Variants in ENDOV observed in about 807,000 individuals in gnomAD.
The protein encoded by ENDOV is endonuclease V, also known as hEndoV.
In ENDOV, 37 loss-of-function variants were observed where a neutral mutation model predicts 39.4. The ratio of observed to expected loss-of-function variants is 0.94; its 90% confidence interval spans 0.72 to 1.23. The LOEUF (loss-of-function observed/expected upper bound fraction) is 1.23. Ranked by LOEUF, ENDOV falls within the 50% of genes most tolerant of loss-of-function variation. The pLI is 0.00. For synonymous variants in ENDOV, 186 were observed against 163.4 expected, an observed-to-expected ratio of 1.14 and a Z score of -1.05; for missense variants, 441 against 375.7, an observed-to-expected ratio of 1.17 and a Z score of -1.44.
intron 2 of ENDOV, chr17:80,419,718 C>G: frequency 1.4e-6 from 1 of 700,710 alleles, no homozygotes; most frequent in Non-Finnish European, 2.6e-6. Context: ...AGCTTCTTCA[C>G]TGGTCAGTGG....
chr17:80,415,830 G>C lies in ENDOV; in HGVS notation c.228+9G>C. On this transcript the variant is annotated intron_variant, in intron 2 of 9. Transcript: ENST00000518137. ...GCTTCCCTGAGCTCGAGGTAACCTGGGAGGACGCCGAGCTCGAGGCGGGCC... is the reference window on the plus strand; with the variant it reads ...GCTTCCCTGAGCTCGAGGTAACCTGCGAGGACGCCGAGCTCGAGGCGGGCC... The C allele has an allele frequency of 1.3e-6, 2 of 1,585,500 alleles. No homozygotes were observed. Among genetic ancestry groups the C allele is most frequent in the South Asian group, 1.1e-5 (1 of 87,104 alleles).
chr17:80,431,649 C>G (rs1288545973), intron 9 of ENDOV, among the ~76,000 whole-genome samples: 2 of 145,722 alleles, frequency 1.4e-5, no homozygotes, highest in Non-Finnish European at 3.1e-5. Context: ...GTGTCAGTGG[C>G]CCCGGACTGG....
rs946066910 is a variant in ENDOV at position 80,437,936 on chromosome 17, T to A, written c.*1793T>A. 3 of 152,142 alleles carry A rather than the reference T, an allele frequency of 2.0e-5. No homozygotes were observed. The highest frequency in any genetic ancestry group is 4.4e-5 in the Non-Finnish European group (3 of 68,032). The allele number at this position is 152,142 out of a possible 1,614,324, so 9.4% of individuals were successfully genotyped here. A position where few individuals can be genotyped will look rare whatever the true frequency, so the allele number is the denominator to read the frequency against. On this transcript the variant is annotated 3_prime_UTR_variant, in exon 10 of 10. Transcript: ENST00000518137. ...AGCTGGATGGATGTGACTGTGCAGG[T>A]CCTGAGCCCCGGCCCCCGTAACCAA...
chr17:80,428,231 G>A (rs1024745899), intron 7 of ENDOV, among the ~76,000 whole-genome samples: 4 of 152,250 alleles, frequency 2.6e-5, no homozygotes, highest in East Asian at 1.9e-4. Context: ...CTCGGCTTGC[G>A]CAGAGCCTAC....
At chr17:80,416,066 G>C (rs980766384) in intron 2 of ENDOV, 91 of 398,342 alleles carry the variant, frequency 2.3e-4, no homozygotes, top group Non-Finnish European at 3.5e-4. Context: ...GGAGAAACCC[G>C]GTCTCTACTA....
chr17:80,436,033 G>A, intron 9 of ENDOV, 100 bp from the exon 10 acceptor site: 2 of 1,348,556 alleles, frequency 1.5e-6, no homozygotes, highest in Non-Finnish European at 2.1e-6. Flanking sequence ...GAGATTACAG[G>A]CGCGAGCCAC....
chr17:80,421,994 G>A (rs1304681958), intron 3 of ENDOV, 32 bp downstream of exon 3: 3 of 1,602,950 alleles, frequency 1.9e-6, no homozygotes, highest in Non-Finnish European at 2.5e-6. Context: ...CGAGAGAAAG[G>A]TCCCTCCTTC....
chr17:80,425,367 G>T, intron 6 of ENDOV, 125 bp from the exon 7 acceptor site: 1 of 1,389,548 alleles, frequency 7.2e-7, no homozygotes, highest in Non-Finnish European at 9.6e-7. Flanking sequence ...GCCCCTGAGA[G>T]CACTGCCCCT....
rs1354960227 is a variant in ENDOV at position 80,432,323 on chromosome 17, C to T, written c.838+2492C>T. Among the ~76,000 whole-genome samples the T allele has an allele frequency of 3.3e-5, 5 of 152,030 alleles. No individual in the cohort carries two copies. The East Asian group carries it at 5.8e-4, about 18-fold the overall frequency. Reference sequence around the variant, plus strand: ...GGCCCAGGAATGAGGCATCAGTGGTCGGAGGGAAGGGCGTCTGCCCACCTA... The same window carrying T: ...GGCCCAGGAATGAGGCATCAGTGGTTGGAGGGAAGGGCGTCTGCCCACCTA... On this transcript the variant is annotated intron_variant, in intron 9 of 9. Transcript: ENST00000518137.
chr17:80,429,696 G>C (rs2083167215), intron 8 of ENDOV, 77 bp from the exon 9 acceptor site: 2 of 1,403,840 alleles, frequency 1.4e-6, no homozygotes, highest in Admixed American at 2.1e-5. Context: ...GCAGTTCCCA[G>C]ACCCCATCTG....
chr17:80,421,763 C>T (rs1568219322), intron 2 of ENDOV, 65 bp from the exon 3 acceptor site: 19 of 1,541,198 alleles, frequency 1.2e-5, no homozygotes, highest in Middle Eastern at 3.7e-4. Context: ...AGGGCATGGA[C>T]GGACTGGGGA....
At chr17:80,436,061 C>A in intron 9 of ENDOV, 72 bp from the exon 10 acceptor site, 1 of 1,557,200 alleles carries the variant, frequency 6.4e-7, no homozygotes, top group Non-Finnish European at 8.8e-7. Context: ...GGCCCATTTC[C>A]ACTTCCTCCT....
intron 1 of ENDOV, 94 bp downstream of exon 1, chr17:80,415,344 G>T: frequency 1.4e-6 from 2 of 1,453,114 alleles, no homozygotes; most frequent in African/African-American, 1.4e-5. Context: ...CTGTGGAATC[G>T]GAGCTGCCAC....
rs746590415 is a variant in ENDOV, at chr17:80,437,544, C to A, written c.*1401C>A. On this transcript the variant is annotated 3_prime_UTR_variant, in exon 10 of 10. Transcript: ENST00000518137. ...TGAAATGAAAGCGGCACCTGTAGTC[C>A]GTTTGGGGTGCAGGTGTGTGCCAGG... 5 of 152,640 alleles carry A rather than the reference C, an allele frequency of 3.3e-5. No homozygotes were observed. Among genetic ancestry groups the A allele is most frequent in the African/African-American group, 1.2e-4 (5 of 41,560 alleles). The allele number at this position is 152,640 out of a possible 1,614,324, so 9.5% of individuals were successfully genotyped here. A position where few individuals can be genotyped will look rare whatever the true frequency, so the allele number is the denominator to read the frequency against.
chr17:80,425,641 G>A (rs775732244), intron 7 of ENDOV, 21 bp downstream of exon 7: 3 of 1,562,300 alleles, frequency 1.9e-6, no homozygotes, highest in East Asian at 2.3e-5. Context: ...TGGGGATGCG[G>A]GGAGGCAGCA....
intron 7 of ENDOV, 31 bp from the exon 8 acceptor site, chr17:80,428,565 C>T: frequency 6.4e-7 from 1 of 1,561,330 alleles, no homozygotes; most frequent in South Asian, 1.2e-5. Context: ...GAGACCAGCT[C>T]AGCACCCAGC....
intron 9 of ENDOV, 39 bp from the exon 10 acceptor site, chr17:80,436,094 T>G: frequency 6.2e-7 from 1 of 1,606,148 alleles, no homozygotes; most frequent in Non-Finnish European, 8.5e-7. Flanking sequence ...CGCCTTTTAT[T>G]TCTTTTTCTT....
At position 80,423,581 on chromosome 17, in the gene ENDOV, G is replaced by C. The variant is rs114008153; in HGVS notation, c.465G>C (p.Lys155Asn). 1 of 1,556,392 alleles carries C rather than the reference G, an allele frequency of 6.4e-7. No individual in the cohort carries two copies. The highest frequency in any genetic ancestry group is 8.7e-7 in the Non-Finnish European group (1 of 1,150,288). Reference protein sequence around the residue: ...LTDLPCVGVAKKLLQVDGLEN... With the variant: ...LTDLPCVGVANKLLQVDGLEN... Reference sequence around the variant, plus strand: ...ACCTGCCGTGTGTTGGGGTGGCCAAGAAACTTCTGCAGGTGGATGGGCTGG... The same window carrying C: ...ACCTGCCGTGTGTTGGGGTGGCCAACAAACTTCTGCAGGTGGATGGGCTGG... Residue 155 changes from lysine (K) to asparagine (N), a missense_variant, in exon 5 of 10, where the codon AAG (lysine) becomes AAC (asparagine). Physicochemically the swap from Lys to Asn is moderately conservative, Grantham distance 94 (BLOSUM62 0). Transcript: ENST00000518137.
intron 2 of ENDOV, chr17:80,419,837 C>T: frequency 3.3e-6 from 2 of 609,112 alleles, no homozygotes; most frequent in East Asian, 2.8e-5. Context: ...TAACTGTCAC[C>T]CACGCCATTT....
Sources: allele counts gnomAD v4.1 joint callset (sites outside exome capture counted in the v4.1 genomes callset), GRCh38; gene constraint gnomAD v4.1.1; transcripts MANE v1.5; gene names NCBI Gene and HGNC (gene_info 2026-07-23, HGNC 2026-07-21).